MST1R: variants seen among roughly 807,000 people sequenced by gnomAD.
The protein encoded by MST1R is macrophage-stimulating protein receptor.
In MST1R, 99 loss-of-function variants were observed where a neutral mutation model predicts 117.8. That is an observed-to-expected ratio of 0.84 (90% CI 0.71 to 0.99). The LOEUF (loss-of-function observed/expected upper bound fraction) is 0.99, where lower values mean the gene tolerates loss of function less well. MST1R is among the 50% of genes least tolerant of loss of function. The probability of loss-of-function intolerance (pLI) is 0.00; values close to 1 mark genes in which losing one functional copy is unlikely to be tolerated. For synonymous variants in MST1R, 734 were observed against 765.3 expected (o/e 0.96, Z 0.68); for missense variants, 1,683 against 1,840.2 (o/e 0.91, Z 1.56).
In MST1R at chr3:49,902,941, AGCCTTGAGAC is replaced by A; in HGVS notation, c.659_668del (p.Arg220LeufsTer40). ...AGCCCGGTGCGAATCCCGAGGCGTC[AGCCTTGAGAC>A]GCCTGATAGACACTGAGCGTGGGCT... On this transcript the variant is annotated frameshift_variant, in exon 1 of 20. Transcript: ENST00000296474. LOFTEE classifies it high-confidence loss of function. The A allele has an allele frequency of 6.2e-7, 1 of 1,613,290 alleles. No homozygotes were observed. Among genetic ancestry groups the A allele is most frequent in the Non-Finnish European group, 8.5e-7 (1 of 1,179,992 alleles).
chr3:49,892,437 G>C (rs2082341943), intron 14 of MST1R, among the ~76,000 whole-genome samples: 1 of 151,850 alleles, frequency 6.6e-6, no homozygotes, highest in Admixed American at 6.6e-5. Context: ...TGAGGCAGGA[G>C]GATAGCTTGA....
Position 49,898,186 on chromosome 3 carries a change from C to A in MST1R, c.1745G>T (p.Arg582Met), listed in dbSNP as rs766834326. 1.9e-6 allele frequency: 3 copies of A among 1,613,908 alleles called. No homozygotes were observed. Among genetic ancestry groups the A allele is most frequent in the Non-Finnish European group, 2.5e-6 (3 of 1,180,020 alleles). ...TEFHPHSGPLRGSTRLTLCGS... is the reference protein window; with the variant it reads ...TEFHPHSGPLMGSTRLTLCGS... ...ACACAGGGTCAGCCTTGTACTGCCC[C>A]TTAGAGGTCCACTGTGGGGGTGGAA... Residue 582 changes from arginine (R) to methionine (M), a missense_variant, in exon 5 of 20, where the codon AGG (arginine) becomes ATG (methionine). Transcript: ENST00000296474.
rs1424656596 is a variant in MST1R, at chr3:49,903,733, C to T, written c.-124G>A. On this transcript the variant is annotated 5_prime_UTR_variant, in exon 1 of 20. Coordinates refer to ENST00000296474, the MANE Select transcript of MST1R (RefSeq NM_002447.4). ...ATTTAAGCAGCGGTCCCGACAGCCC[C>T]AAGATAGCGGACCCCCGCCCCAGGT... 2.3e-6 allele frequency: 3 copies of T among 1,326,372 alleles called. No homozygotes were observed. Among genetic ancestry groups the T allele is most frequent in the Non-Finnish European group, 3.0e-6 (3 of 996,260 alleles). The allele number at this position is 1,326,372 out of a possible 1,614,324, so 82.2% of individuals were successfully genotyped here. A position where few individuals can be genotyped will look rare whatever the true frequency, so the allele number is the denominator to read the frequency against.
intron 1 of MST1R, among the ~76,000 whole-genome samples, chr3:49,899,720 C>T (rs1343040037): frequency 1.3e-5 from 2 of 151,634 alleles, no homozygotes; most frequent in East Asian, 1.9e-4. Context: ...TACAGGTGCT[C>T]GCCACCACCC....
chr3:49,897,984 G>C (rs746423098), intron 5 of MST1R, 67 bp downstream of exon 5: 18 of 1,604,966 alleles, frequency 1.1e-5, no homozygotes, highest in Non-Finnish European at 1.4e-5. Flanking sequence ...AGAGAACAGG[G>C]TCTCATGGGG....
chr3:49,897,463 C>G, intron 6 of MST1R, 47 bp from the exon 7 acceptor site: 1 of 1,609,438 alleles, frequency 6.2e-7, no homozygotes, highest in Non-Finnish European at 8.5e-7. Context: ...ACTCCAAGCC[C>G]CTCCCTTCCC....
chr3:49,899,048 T>A (rs767641691), intron 2 of MST1R, 27 bp downstream of exon 2: 1 of 1,614,132 alleles, frequency 6.2e-7, no homozygotes, highest in Admixed American at 1.7e-5. Flanking sequence ...GACCCAGGGC[T>A]AGGGGACTGT....
At chr3:49,901,922 CGTGGTG>C (rs948267520) in intron 1 of MST1R, among the ~76,000 whole-genome samples, 1 of 44,836 alleles carries the variant, frequency 2.2e-5, no homozygotes, top group Non-Finnish European at 4.1e-5. Context: ...TGTATTTGTG[CGTGGTG>C]GTGGTGGTGG....
In MST1R at chr3:49,900,040, C is replaced by A. The variant is rs76097682; in HGVS notation, c.1231-777G>T. Among the ~76,000 whole-genome samples, 498 of 152,314 alleles carry A rather than the reference C, an allele frequency of 3.3e-3. 3 individuals are homozygous for A. The highest frequency in any genetic ancestry group is 0.012 in the African/African-American group (487 of 41,574). On this transcript the variant is annotated intron_variant, in intron 1 of 19. Transcript: ENST00000296474. ...GACTCTCTGTGTGCACTTCAGCAAA[C>A]CCTGTCTCCTCTGGGCTTCGGTTTC...
rs758487952 is a variant in MST1R at position 49,890,530 on chromosome 3, C to A, written c.3765G>T (p.Ala1255=). The A allele has an allele frequency of 1.2e-5, 19 of 1,613,982 alleles. No homozygotes were observed. The highest frequency in any genetic ancestry group is 1.1e-4 in the South Asian group (10 of 91,066). The change falls in exon 18 of 20, where the codon GCG becomes GCT. Residue 1255 remains alanine (A), a synonymous_variant. Coordinates refer to ENST00000296474, the MANE Select transcript of MST1R (RefSeq NM_002447.4). ...RHARLPVKWM[A]LESLQTYRFT... is the part of the protein sequence containing the mutation. ...ATCTATAGGTCTGCAGGCTCTCCAG[C>A]GCCATCCACTTCACAGGTAGGCGAG...
At chr3:49,893,690 G>T (rs1251235327) in intron 14 of MST1R, among the ~76,000 whole-genome samples, 1 of 150,498 alleles carries the variant, frequency 6.6e-6, no homozygotes, top group East Asian at 2.0e-4. Flanking sequence ...ATGAGGTCAG[G>T]AGATCGAGAC....
chr3:49,894,076 G>A (rs1575432109), intron 14 of MST1R, among the ~76,000 whole-genome samples: 1 of 147,576 alleles, frequency 6.8e-6, no homozygotes, highest in Non-Finnish European at 1.5e-5. Flanking sequence ...TTAGCCGGGT[G>A]TTGTGGCAGG....
chr3:49,899,127 A>AG lies in MST1R; in HGVS notation c.1366dup (p.Leu456ProfsTer2). On this transcript the variant is annotated frameshift_variant, in exon 2 of 20. Coordinates refer to ENST00000296474, the MANE Select transcript of MST1R (RefSeq NM_002447.4). LOFTEE classifies it high-confidence loss of function. The stretch of plus-strand genomic sequence containing the variant: ...CATGTGTGCCACTGTGACGTTGTCA[A>AG]GGCGTGTCACATACAATGCAGTGAC... 1 of 1,614,172 alleles carries AG rather than the reference A, an allele frequency of 6.2e-7. No individual in the cohort carries two copies. The highest frequency in any genetic ancestry group is 8.5e-7 in the Non-Finnish European group (1 of 1,180,044).
chr3:49,898,900 A>G lies in MST1R; in HGVS notation c.1515T>C (p.Leu505=). The G allele has an allele frequency of 6.2e-7, 1 of 1,614,176 alleles. No individual in the cohort carries two copies. The highest frequency in any genetic ancestry group is 8.5e-7 in the Non-Finnish European group (1 of 1,180,044). ...CAGAGGCAAAGAGTAGGTGGTCCCCAAGACGACTGACATCCCGCTGCACGG... is the reference window on the plus strand; with the variant it reads ...CAGAGGCAAAGAGTAGGTGGTCCCCGAGACGACTGACATCCCGCTGCACGG... ...GQPVQRDVSR[L]GDHLLFASGD... is the part of the protein sequence containing the mutation. Residue 505 remains leucine (L), a synonymous_variant, in exon 3 of 20, where the codon CTT becomes CTC. Transcript: ENST00000296474.
intron 1 of MST1R, among the ~76,000 whole-genome samples, chr3:49,900,880 C>A (rs2108490507): frequency 6.6e-6 from 1 of 152,324 alleles, no homozygotes; most frequent in Middle Eastern, 3.4e-3. Context: ...AGCTCTGAGT[C>A]CCTCAGGCCT....
rs2108516271 is a variant in MST1R, at chr3:49,903,547, G to A, written c.63C>T (p.Pro21=). 1.3e-6 allele frequency: 2 copies of A among 1,597,188 alleles called. No homozygotes were observed. The highest frequency in any genetic ancestry group is 8.5e-7 in the Non-Finnish European group (1 of 1,176,232). Residue 21 remains proline (P), a synonymous_variant, in exon 1 of 20, where the codon CCC becomes CCT. Coordinates refer to ENST00000296474, the MANE Select transcript of MST1R (RefSeq NM_002447.4). ...FLLLLLLPAK[P]AAGEDWQCPR... is the part of the protein sequence containing the mutation. ...GGCACTGCCAGTCCTCGCCCGCCGC[G>A]GGCTTGGCAGGCAACAGCAGCAGCA...
Position 49,895,462 on chromosome 3 carries a change from A to G in MST1R, c.3049T>C (p.Tyr1017His). Residue 1017 changes from tyrosine (Y) to histidine (H), a missense_variant, in exon 13 of 20, where the codon TAC becomes CAC. By Grantham distance (83) the Tyr-to-His change is moderately conservative. Transcript: ENST00000296474. The part of the protein sequence containing the change: ...PLPILYSGSD[Y>H]RSGLALPAID... The stretch of plus-strand genomic sequence containing the variant: ...ACTATCTCACCAAGGCCACTTCTGT[A>G]GTCAGAGCCCGAGTACAGAATAGGC... The G allele has an allele frequency of 6.2e-7, 1 of 1,614,188 alleles. No homozygotes were observed. Among genetic ancestry groups the G allele is most frequent in the South Asian group, 1.1e-5 (1 of 91,088 alleles).
Position 49,887,192 on chromosome 3 carries a change from T to G in MST1R, c.*115A>C. The G allele has an allele frequency of 6.9e-7, 1 of 1,456,074 alleles. No homozygotes were observed. Among genetic ancestry groups the G allele is most frequent in the African/African-American group, 1.4e-5 (1 of 71,010 alleles). The allele number at this position is 1,456,074 out of a possible 1,614,324, so 90.2% of individuals were successfully genotyped here. On this transcript the variant is annotated 3_prime_UTR_variant, in exon 20 of 20. Transcript: ENST00000296474. ...ATGGGCCCCATTTACCTATTGCCTC[T>G]GAAAGTTAAAGGGCAGGAACAAGGT...
chr3:49,897,260 G>A lies in MST1R; in HGVS notation c.2183+20C>T, dbSNP rs2082506922. ...TGGATAGAACCCTGCGGCCTCCCAT[G>A]CCTGCCTGGTGGTACTTACCGTGCT... is the stretch of plus-strand genomic sequence containing the variant. On this transcript the variant is annotated intron_variant, in intron 7 of 19. Transcript: ENST00000296474. 6.3e-7 allele frequency: 1 copy of A among 1,586,748 alleles called. No homozygotes were observed. Among genetic ancestry groups the A allele is most frequent in the Non-Finnish European group, 8.6e-7 (1 of 1,165,970 alleles).
Sources: gnomAD v4.1 joint callset for allele counts (sites outside exome capture counted in the v4.1 genomes callset) on GRCh38, gnomAD v4.1.1 for gene constraint, MANE v1.5 for transcripts, NCBI Gene and HGNC (gene_info 2026-07-23, HGNC 2026-07-21) for gene names.